BACH2: variants seen among roughly 807,000 people sequenced by gnomAD.
BACH2 encodes the protein transcription regulator protein BACH2.
In BACH2, 5 loss-of-function variants were observed where a neutral mutation model predicts 61.8. The observed-to-expected ratio is 0.08, with a 90% confidence interval of 0.04 to 0.17. BACH2 has a LOEUF of 0.17. BACH2 is among the 10% of genes least tolerant of loss of function. BACH2 has a pLI of 1.00. For synonymous variants in BACH2, 446 were observed against 440.1 expected (o/e 1.01, Z -0.17); for missense variants, 824 against 1,091.1 (o/e 0.76, Z 3.45).
chr6:90,270,297 C>G (rs139764387), intron 2 of BACH2, among the ~76,000 whole-genome samples: 2 of 152,242 alleles, frequency 1.3e-5, no homozygotes, highest in East Asian at 3.9e-4. Context: ...TTTAAGGAAT[C>G]TCCACACTGT....
In BACH2 at chr6:89,939,061, G is replaced by A. The variant is rs144808659; in HGVS notation, c.1837-711C>T. ...TTTTCCAATTTTACAATGAAATGTT[G>A]ACATTCCTTTATCAAAAGGTGAGAT... On this transcript the variant is annotated intron_variant, in intron 7 of 8. Coordinates refer to ENST00000257749, the MANE Select transcript of BACH2 (RefSeq NM_021813.4). Among the ~76,000 whole-genome samples, 4 of 152,310 alleles carry A rather than the reference G, an allele frequency of 2.6e-5. No homozygotes were observed. The East Asian group carries it at 7.7e-4, about 29-fold the overall frequency.
intron 1 of BACH2, among the ~76,000 whole-genome samples, chr6:90,279,176 C>T (rs1428318300): frequency 1.3e-5 from 2 of 151,992 alleles, no homozygotes; most frequent in South Asian, 2.1e-4. Flanking sequence ...AATCTAAAAT[C>T]GAACAAACGC....
chr6:90,163,999 A>C (rs1767507801), intron 4 of BACH2, among the ~76,000 whole-genome samples: 1 of 152,226 alleles, frequency 6.6e-6, no homozygotes, highest in South Asian at 2.1e-4. Flanking sequence ...ATCACAATTA[A>C]AAGAACTAGA....
At chr6:90,107,459 T>C (rs1293097773) in intron 4 of BACH2, among the ~76,000 whole-genome samples, 3 of 152,152 alleles carry the variant, frequency 2.0e-5, no homozygotes, top group Non-Finnish European at 2.9e-5. Context: ...TCAAATGTGA[T>C]CTCAAATAAA....
At chr6:89,975,293 A>G (rs1400695849) in intron 6 of BACH2, among the ~76,000 whole-genome samples, 5 of 152,242 alleles carry the variant, frequency 3.3e-5, no homozygotes, top group Non-Finnish European at 7.3e-5. Context: ...GCTAGCAACT[A>G]TCTTGGTATG....
chr6:90,182,661 A>G (rs1768209257), intron 4 of BACH2, among the ~76,000 whole-genome samples: 1 of 152,210 alleles, frequency 6.6e-6, no homozygotes, highest in Non-Finnish European at 1.5e-5. Flanking sequence ...GAACGTATTA[A>G]TTCACAAGGT....
chr6:90,089,706 T>G (rs1216375778), intron 4 of BACH2, among the ~76,000 whole-genome samples: 7 of 152,138 alleles, frequency 4.6e-5, no homozygotes, highest in Admixed American at 4.6e-4. Context: ...GATAAATCAC[T>G]AATGATGTTT....
At chr6:89,970,048 G>A (rs1775274676) in intron 6 of BACH2, among the ~76,000 whole-genome samples, 1 of 152,138 alleles carries the variant, frequency 6.6e-6, no homozygotes, top group Non-Finnish European at 1.5e-5. Flanking sequence ...TAGCAAAGAA[G>A]GCATTTCAGA....
chr6:90,292,030 T>C (rs1309003752), intron 1 of BACH2, among the ~76,000 whole-genome samples: 2 of 152,208 alleles, frequency 1.3e-5, no homozygotes, highest in Non-Finnish European at 2.9e-5. Flanking sequence ...TTGACAAATA[T>C]GTTACATTTT....
At chr6:90,046,542 ACCT>A (rs1265888175) in intron 5 of BACH2, among the ~76,000 whole-genome samples, 1 of 152,098 alleles carries the variant, frequency 6.6e-6, no homozygotes, top group Non-Finnish European at 1.5e-5. Flanking sequence ...AATATGGTAC[ACCT>A]CCTCCCCAAA....
At chr6:90,151,720 C>T (rs1784818843) in intron 4 of BACH2, among the ~76,000 whole-genome samples, 1 of 152,214 alleles carries the variant, frequency 6.6e-6, no homozygotes, top group South Asian at 2.1e-4. Context: ...ACACAGTGGA[C>T]ACCAACAGAA....
At chr6:90,203,008 G>A (rs1388132416) in intron 4 of BACH2, among the ~76,000 whole-genome samples, 1 of 152,148 alleles carries the variant, frequency 6.6e-6, no homozygotes, top group Non-Finnish European at 1.5e-5. Context: ...AGATAAACCA[G>A]AAATGTTGGT....
At chr6:90,252,331 G>A (rs1770837360) in intron 3 of BACH2, among the ~76,000 whole-genome samples, 182 bp downstream of exon 3, 1 of 151,950 alleles carries the variant, frequency 6.6e-6, no homozygotes, top group Admixed American at 6.6e-5. Flanking sequence ...AGAGCTTTGG[G>A]CCCCAAAGCT....
At chr6:90,149,193 G>A (rs1397352483) in intron 4 of BACH2, among the ~76,000 whole-genome samples, 4 of 152,148 alleles carry the variant, frequency 2.6e-5, no homozygotes, top group South Asian at 2.1e-4. Flanking sequence ...AAATAAGAAC[G>A]TAAGAAAATT....
At chr6:90,205,463 T>C (rs1040877647) in intron 4 of BACH2, among the ~76,000 whole-genome samples, 3 of 152,140 alleles carry the variant, frequency 2.0e-5, no homozygotes, top group African/African-American at 4.8e-5. Context: ...CATTGGGCAA[T>C]AATCTGGGGA....
At chr6:90,037,625 T>C (rs1156318134) in intron 5 of BACH2, among the ~76,000 whole-genome samples, 1 of 152,208 alleles carries the variant, frequency 6.6e-6, no homozygotes, top group Admixed American at 6.5e-5. Context: ...TAAAAGGCTC[T>C]CCTACAGCAA....
chr6:89,990,498 A>G (rs1370722669), intron 6 of BACH2, among the ~76,000 whole-genome samples: 1 of 151,168 alleles, frequency 6.6e-6, no homozygotes, highest in East Asian at 1.9e-4. Flanking sequence ...CTGCTTCTTC[A>G]GGCCAAAATC....
chr6:90,092,291 A>AAAAAAAAAAAAAAAAATATAT, intron 4 of BACH2, among the ~76,000 whole-genome samples: 4 of 113,816 alleles, frequency 3.5e-5, no homozygotes, highest in African/African-American at 1.4e-4. Context: ...AAAAAAAAAA[A>AAAAAAAAAAAAAAAAATATAT]ATATATATAT....
intron 6 of BACH2, among the ~76,000 whole-genome samples, chr6:90,004,453 A>T (rs1252701860): frequency 6.6e-6 from 1 of 152,196 alleles, no homozygotes; most frequent in Non-Finnish European, 1.5e-5. Flanking sequence ...TCTAGAGGGT[A>T]CAAGGACACA....
Sources: allele counts gnomAD v4.1 joint callset (sites outside exome capture counted in the v4.1 genomes callset), GRCh38; gene constraint gnomAD v4.1.1; transcripts MANE v1.5; gene names NCBI Gene and HGNC (gene_info 2026-07-23, HGNC 2026-07-21).